SPOCK3: variants seen among roughly 807,000 people sequenced by gnomAD.
SPOCK3 encodes SPARC (osteonectin), cwcv and kazal like domains proteoglycan 3, also known as testican-3.
Under a neutral mutation model 56.6 loss-of-function variants are expected in SPOCK3, and 30 were observed. The ratio of observed to expected loss-of-function variants is 0.53; its 90% CI spans 0.40 to 0.72. The LOEUF is 0.72. Among genes scored for constraint, SPOCK3 ranks in the 30% least tolerant of loss-of-function variants. The probability of loss-of-function intolerance (pLI) is 0.00; values close to 1 mark genes in which losing one functional copy is unlikely to be tolerated. For missense variants in SPOCK3, 527 were observed against 530.0 expected (o/e 0.99, Z 0.06); for synonymous variants, 196 against 183.3 (o/e 1.07, Z -0.56).
chr4:167,055,972 G>A (rs2150230991), intron 3 of SPOCK3, among the ~76,000 whole-genome samples: 2 of 152,298 alleles, frequency 1.3e-5, no homozygotes, highest in East Asian at 3.9e-4. Context: ...CACGAAGCTG[G>A]AGATCTGAGA....
chr4:167,119,880 G>T (rs914969098), intron 2 of SPOCK3: 7 of 1,496,728 alleles, frequency 4.7e-6, no homozygotes, highest in Non-Finnish European at 6.2e-6. Context: ...TCTTACTAAT[G>T]CCCCAAAGGT....
At chr4:166,818,879 C>A (rs552684646) in intron 6 of SPOCK3, among the ~76,000 whole-genome samples, 2 of 151,932 alleles carry the variant, frequency 1.3e-5, no homozygotes, top group Non-Finnish European at 2.9e-5. Flanking sequence ...CTGAAAGTGA[C>A]TAATAAGTGA....
chr4:167,230,755 AAATT>A (rs1335776753), intron 2 of SPOCK3, among the ~76,000 whole-genome samples: 1 of 152,118 alleles, frequency 6.6e-6, no homozygotes, highest in African/African-American at 2.4e-5. Flanking sequence ...ATAACCAAAT[AAATT>A]AATAATTTTC....
chr4:166,876,066 T>C (rs1733049825), intron 6 of SPOCK3, among the ~76,000 whole-genome samples: 1 of 152,270 alleles, frequency 6.6e-6, no homozygotes, highest in South Asian at 2.1e-4. Flanking sequence ...CTATATGGGA[T>C]TGGGAGCAAA....
chr4:167,091,745 A>G (rs1399404495), intron 2 of SPOCK3, among the ~76,000 whole-genome samples: 2 of 152,204 alleles, frequency 1.3e-5, no homozygotes, highest in Non-Finnish European at 2.9e-5. Context: ...AGGGATAAAG[A>G]AAGTGGAAAA....
intron 6 of SPOCK3, among the ~76,000 whole-genome samples, chr4:166,859,601 T>A (rs1411534887): frequency 6.6e-6 from 1 of 152,150 alleles, no homozygotes; most frequent in Non-Finnish European, 1.5e-5. Flanking sequence ...CATATGCCAG[T>A]ATATGAGCTT....
chr4:166,764,460 G>A (rs955803180), intron 7 of SPOCK3, among the ~76,000 whole-genome samples: 1 of 151,912 alleles, frequency 6.6e-6, no homozygotes, highest in African/African-American at 2.4e-5. Context: ...TTGTTCTTGC[G>A]ATAGTTTGCT....
intron 6 of SPOCK3, among the ~76,000 whole-genome samples, chr4:166,843,582 G>T (rs148114905): frequency 6.6e-6 from 1 of 152,122 alleles, no homozygotes; most frequent in African/African-American, 2.4e-5. Context: ...AATAAATTCT[G>T]CCAACCATCT....
intron 3 of SPOCK3, among the ~76,000 whole-genome samples, chr4:167,015,827 A>G (rs1437531895): frequency 6.6e-6 from 1 of 152,132 alleles, no homozygotes; most frequent in Non-Finnish European, 1.5e-5. Context: ...TAGACATGCT[A>G]ATCTGTAGTT....
At chr4:167,012,416 A>G (rs747433322) in intron 3 of SPOCK3, among the ~76,000 whole-genome samples, 7 of 151,994 alleles carry the variant, frequency 4.6e-5, no homozygotes, top group Non-Finnish European at 8.8e-5. Flanking sequence ...TGGCAAACAC[A>G]TAAGCAAATA....
At chr4:167,025,994 A>G (rs200396186) in intron 3 of SPOCK3, among the ~76,000 whole-genome samples, 1 of 152,112 alleles carries the variant, frequency 6.6e-6, no homozygotes, top group East Asian at 1.9e-4. Flanking sequence ...AAGAATGTGT[A>G]CATCTAAACA....
chr4:167,003,792 GT>G (rs1315606480), intron 3 of SPOCK3, among the ~76,000 whole-genome samples: 2 of 152,060 alleles, frequency 1.3e-5, no homozygotes, highest in Non-Finnish European at 2.9e-5. Context: ...TGACAAGTAA[GT>G]TTTTTTTGGT....
intron 2 of SPOCK3, among the ~76,000 whole-genome samples, chr4:167,210,625 T>C (rs1205717682): frequency 1.3e-5 from 2 of 152,214 alleles, no homozygotes; most frequent in Admixed American, 6.5e-5. Flanking sequence ...TTTATATAGA[T>C]GAAGAATGTT....
In SPOCK3 at chr4:167,047,461, C is replaced by A. The variant is rs146033904; in HGVS notation, c.235+15031G>T. On this transcript the variant is annotated intron_variant, in intron 3 of 10. Coordinates refer to ENST00000357545, the MANE Select transcript of SPOCK3 (RefSeq NM_001040159.2). Reference sequence around the variant, plus strand: ...TCTTTTTGCAAAGGCCAAATTATGACTTTTAAATCATTGTATGAATTTCCC... The same window carrying A: ...TCTTTTTGCAAAGGCCAAATTATGAATTTTAAATCATTGTATGAATTTCCC... Among the ~76,000 whole-genome samples the A allele has an allele frequency of 4.2e-3, 635 of 152,156 alleles. 5 individuals carry two copies. The highest frequency in any genetic ancestry group is 0.014 in the African/African-American group (587 of 41,512).
chr4:166,936,211 C>T (rs1011959930), intron 4 of SPOCK3, among the ~76,000 whole-genome samples: 2 of 151,990 alleles, frequency 1.3e-5, no homozygotes, highest in Admixed American at 1.3e-4. Flanking sequence ...TTTACATAGG[C>T]TTGACTATGC....
At chr4:167,157,615 T>C (rs984195216) in intron 2 of SPOCK3, among the ~76,000 whole-genome samples, 68 of 145,592 alleles carry the variant, frequency 4.7e-4, no homozygotes, top group African/African-American at 1.5e-3. Flanking sequence ...GAAAGGTTTT[T>C]TTTAAAAAAA....
At chr4:166,845,155 T>C (rs1747925339) in intron 6 of SPOCK3, among the ~76,000 whole-genome samples, 1 of 152,236 alleles carries the variant, frequency 6.6e-6, no homozygotes, top group African/African-American at 2.4e-5. Flanking sequence ...TTAAATAATT[T>C]ATGAATCTTT....
chr4:167,109,472 T>C (rs1208317743), intron 2 of SPOCK3, among the ~76,000 whole-genome samples: 3 of 105,736 alleles, frequency 2.8e-5, no homozygotes, highest in Non-Finnish European at 5.5e-5. Flanking sequence ...ATAGTTATAA[T>C]ATATTTATAT....
intron 4 of SPOCK3, among the ~76,000 whole-genome samples, chr4:166,938,910 TCTA>T (rs1281405876): frequency 4.0e-5 from 6 of 151,768 alleles, no homozygotes; most frequent in African/African-American, 9.7e-5. Context: ...TTTTTGAGAA[TCTA>T]CTGTTTGTCT....
Sources: gnomAD v4.1 joint callset for allele counts (sites outside exome capture counted in the v4.1 genomes callset) on GRCh38, gnomAD v4.1.1 for gene constraint, MANE v1.5 for transcripts, NCBI Gene and HGNC (gene_info 2026-07-23, HGNC 2026-07-21) for gene names.